The following BRCA1 variants were observed in gnomAD, a reference collection of about 807,000 sequenced individuals.
The protein encoded by BRCA1 is breast cancer type 1 susceptibility protein.
In BRCA1, 140 loss-of-function variants were observed where a neutral mutation model predicts 173.7. The observed-to-expected ratio is 0.81, with a 90% CI of 0.70 to 0.93. The LOEUF is 0.93. BRCA1 is among the 40% of genes least tolerant of loss of function. The pLI is 0.00. For missense variants in BRCA1, 1,983 were observed against 2,172.5 expected (o/e 0.91, Z 1.73); for synonymous variants, 662 against 756.0 (o/e 0.88, Z 2.04).
chr17:43,047,574 G>A (rs1034688600), intron 22 of BRCA1, 69 bp downstream of exon 22: 9 of 1,478,640 alleles, frequency 6.1e-6, no homozygotes, highest in Middle Eastern at 3.4e-4. Flanking sequence ...TCAAGCACCA[G>A]GTAATGAGTG....
At chr17:43,161,571 T>G (rs1472288830) in intron 1 of BRCA1, 1 of 152,214 alleles carries the variant, frequency 6.6e-6, no homozygotes, top group Non-Finnish European at 1.5e-5. Flanking sequence ...CCGGTGGGAT[T>G]CTGGGTGGGC....
upstream of BRCA1, among the ~76,000 whole-genome samples, chr17:43,129,474 TTTC>T (rs2055946603): frequency 4.6e-5 from 7 of 152,302 alleles, no homozygotes; most frequent in South Asian, 1.4e-3. Flanking sequence ...GTTTCTTTTT[TTTC>T]TTTTTTTTTT....
intron 1 of BRCA1, among the ~76,000 whole-genome samples, chr17:43,156,205 C>T (rs1238421275): frequency 6.6e-6 from 1 of 151,870 alleles, no homozygotes; most frequent in Middle Eastern, 3.4e-3. Context: ...CCACTGTACT[C>T]CAGCCTGGGC....
chr17:43,086,127 C>A (rs2053222222), intron 11 of BRCA1, among the ~76,000 whole-genome samples: 1 of 151,474 alleles, frequency 6.6e-6, no homozygotes, highest in Admixed American at 6.6e-5. Flanking sequence ...CACACACACA[C>A]ACACACACAC....
At chr17:43,134,541 A>G (rs2055999842) in intron 1 of BRCA1, among the ~76,000 whole-genome samples, 1 of 152,208 alleles carries the variant, frequency 6.6e-6, no homozygotes, top group Admixed American at 6.5e-5. Flanking sequence ...ATGCTGTGGC[A>G]GTTGTGACCA....
chr17:43,155,855 G>A (rs1344801274), intron 1 of BRCA1, among the ~76,000 whole-genome samples: 1 of 152,108 alleles, frequency 6.6e-6, no homozygotes, highest in African/African-American at 2.4e-5. Context: ...GATTTTTTGG[G>A]TAAAGTCCAG....
chr17:43,060,416 G>C (rs2051697348), intron 18 of BRCA1, among the ~76,000 whole-genome samples: 1 of 151,958 alleles, frequency 6.6e-6, no homozygotes, highest in African/African-American at 2.4e-5. Context: ...TCAAACTCCT[G>C]ACCTCAGGGG....
intron 3 of BRCA1, among the ~76,000 whole-genome samples, chr17:43,109,125 C>T (rs1223816257): frequency 6.6e-6 from 1 of 152,158 alleles, no homozygotes; most frequent in Non-Finnish European, 1.5e-5. Context: ...TCCCAAAGTG[C>T]TGGGATTACA....
Position 43,099,893 on chromosome 17 carries a change from G to C in BRCA1, c.442-13C>G, listed in dbSNP as rs2054309198. 1 of 1,585,034 alleles carries C rather than the reference G, an allele frequency of 6.3e-7. No individual in the cohort carries two copies. Among genetic ancestry groups the C allele is most frequent in the Non-Finnish European group, 8.7e-7 (1 of 1,153,662 alleles). On this transcript the variant is annotated splice_polypyrimidine_tract_variant and intron_variant, in intron 6 of 22. Coordinates refer to ENST00000357654, the MANE Select transcript of BRCA1 (RefSeq NM_007294.4). ...GACTGGTTTCCTGCTAAACAGTATGGTAAAGAACAGTCAAGCAATTGTTGG... is the reference window on the plus strand; with the variant it reads ...GACTGGTTTCCTGCTAAACAGTATGCTAAAGAACAGTCAAGCAATTGTTGG...
At chr17:43,120,941 A>G (rs149170015) in intron 2 of BRCA1, among the ~76,000 whole-genome samples, 2 of 151,952 alleles carry the variant, frequency 1.3e-5, no homozygotes, top group East Asian at 1.9e-4. Context: ...GCGTGCGCCT[A>G]TAATCCCAGC....
At position 43,063,350 on chromosome 17, in the gene BRCA1, T is replaced by C. The variant is rs80357501; in HGVS notation, c.5176A>G (p.Arg1726Gly). 32 of 1,611,244 alleles carry C rather than the reference T, an allele frequency of 2.0e-5. No individual in the cohort carries two copies. The highest frequency in any genetic ancestry group is 3.3e-5 in the Admixed American group (2 of 60,012). ...GTACTTACCTCATTCAGCATTTTTC[T>C]TTCTTTAATAGACTGGGTCACCCCT... ...YFWVTQSIKE[R>G]KMLNEHDFEV... Residue 1726 changes from arginine to glycine, a missense_variant, in exon 18 of 23, where the codon AGA becomes GGA. Arg to Gly is a moderately radical substitution (Grantham distance 125, BLOSUM62 -2). Coordinates refer to ENST00000357654, the MANE Select transcript of BRCA1 (RefSeq NM_007294.4).
rs56082113 is a variant in BRCA1 at position 43,093,073 on chromosome 17, T to C, written c.2458A>G (p.Lys820Glu). The C allele has an allele frequency of 1.7e-3, 2,725 of 1,613,798 alleles. 33 individuals carry two copies. In the African/African-American group the frequency reaches 0.032, roughly 19 times the overall value. Residue 820 changes from lysine (K) to glutamate (E), a missense_variant, in exon 10 of 23, where the codon AAA becomes GAA. Transcript: ENST00000357654. ...CCTTCTGTGTCATTTCTATTATCTT[T>C]GGAACAACCATGAATTAGTCCCTTG... ...NPKGLIHGCS[K>E]DNRNDTEGFK... is the part of the protein sequence containing the mutation.
chr17:43,169,427 A>C (rs1409229949), intron 1 of BRCA1, among the ~76,000 whole-genome samples: 2 of 152,116 alleles, frequency 1.3e-5, no homozygotes, highest in African/African-American at 4.8e-5. Context: ...TTGGCCTCCC[A>C]AAGTGCTAGG....
intron 1 of BRCA1, chr17:43,167,112 GC>G (rs1209543399): frequency 6.6e-6 from 1 of 152,356 alleles, no homozygotes; most frequent in Admixed American, 6.5e-5. Context: ...AACCAGGAGC[GC>G]CCTCAGGATC....
In BRCA1 at chr17:43,099,756, A is replaced by G. The variant is rs1248443594; in HGVS notation, c.547+19T>C. ...TCCAGCAATTATTATTAAATACTTA[A>G]AAAACCTGAGACCCTTACCCAATTC... On this transcript the variant is annotated intron_variant, in intron 7 of 22. Coordinates refer to ENST00000357654, the MANE Select transcript of BRCA1 (RefSeq NM_007294.4). 6.4e-7 allele frequency: 1 copy of G among 1,573,418 alleles called. No homozygotes were observed. The highest frequency in any genetic ancestry group is 1.4e-5 in the African/African-American group (1 of 74,004).
upstream of BRCA1, chr17:43,125,727 C>T (rs922337405): frequency 1.9e-5 from 3 of 161,942 alleles, no homozygotes; most frequent in Non-Finnish European, 4.1e-5. Flanking sequence ...AGAAGAGGTC[C>T]CAATCCCCCA....
chr17:43,117,331 A>G (rs1376879834), intron 2 of BRCA1, among the ~76,000 whole-genome samples: 1 of 152,280 alleles, frequency 6.6e-6, no homozygotes, highest in East Asian at 1.9e-4. Context: ...GGTCTCAGCT[A>G]CTTTGGAGAC....
At position 43,093,997 on chromosome 17, in the gene BRCA1, G is replaced by A. The variant is rs41286294; in HGVS notation, c.1534C>T (p.Leu512Phe). Residue 512 changes from leucine to phenylalanine, a missense_variant, in exon 10 of 23, where the codon CTT becomes TTT. Physicochemically the swap from Leu to Phe is conservative, Grantham distance 22. Coordinates refer to ENST00000357654, the MANE Select transcript of BRCA1 (RefSeq NM_007294.4). ...TTCTTGATAAAATCCTCAGGATGAA[G>A]GCCTGATGTAGGTCTCCTTTTACGC... ...LKRKRRPTSG[L>F]HPEDFIKKAD... The A allele has an allele frequency of 1.2e-4, 190 of 1,613,824 alleles. No homozygotes were observed. Among genetic ancestry groups the A allele is most frequent in the Non-Finnish European group, 1.5e-4 (178 of 1,179,972 alleles).
rs187487187 is a variant in BRCA1 at position 43,115,548 on chromosome 17, A to G, written c.134+178T>C. 3.9e-5 allele frequency among the ~76,000 whole-genome samples: 6 copies of G among 152,222 alleles called. No individual in the cohort carries two copies. The East Asian group carries it at 1.2e-3, about 29-fold the overall frequency. On this transcript the variant is annotated intron_variant, in intron 3 of 22. Transcript: ENST00000357654. The stretch of plus-strand genomic sequence containing the variant: ...ATATGTCAAAACTTTACCAGGAACT[A>G]TGATTACAACCAACTTTTGATAACT...
Sources: allele counts gnomAD v4.1 joint callset (sites outside exome capture counted in the v4.1 genomes callset), GRCh38; gene constraint gnomAD v4.1.1; transcripts MANE v1.5; gene names NCBI Gene and HGNC (gene_info 2026-07-23, HGNC 2026-07-21).